Variants in PPP1R9A observed in about 807,000 individuals in gnomAD.
PPP1R9A encodes the protein protein phosphatase 1 regulatory subunit 9A.
A neutral mutation model predicts 141.9 loss-of-function variants in PPP1R9A; 59 were observed. That is an observed-to-expected ratio of 0.42 (90% CI 0.34 to 0.52). The LOEUF (loss-of-function observed/expected upper bound fraction) is 0.52, where lower values mean the gene tolerates loss of function less well. PPP1R9A is among the 20% of genes least tolerant of loss of function. The probability of loss-of-function intolerance (pLI) is 0.10; values close to 1 mark genes in which losing one functional copy is unlikely to be tolerated. For missense variants in PPP1R9A, 1,444 were observed against 1,611.9 expected (o/e 0.90, Z 1.78); for synonymous variants, 500 against 569.7 (o/e 0.88, Z 1.74).
At chr7:94,964,054 G>A (rs1019603175) in intron 2 of PPP1R9A, among the ~76,000 whole-genome samples, 1 of 152,154 alleles carries the variant, frequency 6.6e-6, no homozygotes, top group African/African-American at 2.4e-5. Flanking sequence ...TTGTGCGCCT[G>A]TGTTCTGAAT....
At chr7:95,079,137 C>G (rs1389326038) in intron 2 of PPP1R9A, among the ~76,000 whole-genome samples, 1 of 152,152 alleles carries the variant, frequency 6.6e-6, no homozygotes, top group Non-Finnish European at 1.5e-5. Context: ...AGTCTTTAAT[C>G]CGTCTTGAAT....
intron 2 of PPP1R9A, among the ~76,000 whole-genome samples, chr7:95,055,405 A>T (rs972042663): frequency 6.6e-5 from 10 of 152,134 alleles, no homozygotes; most frequent in Non-Finnish European, 1.0e-4. Context: ...AGTTAATTTT[A>T]TAAGTCCTGT....
At position 95,203,298 on chromosome 7, in the gene PPP1R9A, T is replaced by C. The variant is rs542999307; in HGVS notation, c.1891-367T>C. 5.9e-5 allele frequency among the ~76,000 whole-genome samples: 9 copies of C among 152,158 alleles called. No homozygotes were observed. In the South Asian group the frequency reaches 1.9e-3, roughly 32 times the overall value. On this transcript the variant is annotated intron_variant, in intron 6 of 19. Coordinates refer to ENST00000433360, the MANE Select transcript of PPP1R9A (RefSeq NM_001166160.2). ...TGGAAGCTTTGGTTTGCATAAGTATTAAAAGGTATACAATAATATAATATT... is the reference window on the plus strand; with the variant it reads ...TGGAAGCTTTGGTTTGCATAAGTATCAAAAGGTATACAATAATATAATATT...
At chr7:94,984,960 G>C (rs1025227122) in intron 2 of PPP1R9A, among the ~76,000 whole-genome samples, 9 of 152,080 alleles carry the variant, frequency 5.9e-5, no homozygotes, top group Admixed American at 5.9e-4. Context: ...GCTTTCTCTT[G>C]TGGGCATTTA....
chr7:94,936,855 TA>T, intron 2 of PPP1R9A, among the ~76,000 whole-genome samples: 1 of 152,156 alleles, frequency 6.6e-6, no homozygotes, highest in East Asian at 1.9e-4. Flanking sequence ...TTTGGGCAAG[TA>T]ATTTCTCTAG....
intron 2 of PPP1R9A, among the ~76,000 whole-genome samples, chr7:94,984,940 G>T (rs999911121): frequency 5.1e-4 from 78 of 152,154 alleles, no homozygotes; most frequent in Admixed American, 7.9e-4. Flanking sequence ...GTCAATTTTT[G>T]ATCTTTCCTG....
chr7:94,965,248 A>AT (rs1267567229), intron 2 of PPP1R9A, among the ~76,000 whole-genome samples: 1 of 150,676 alleles, frequency 6.6e-6, no homozygotes, highest in Non-Finnish European at 1.5e-5. Context: ...GATTGCAAAA[A>AT]TTTTCTCCCA....
At chr7:95,116,642 T>C (rs1271130662) in intron 3 of PPP1R9A, among the ~76,000 whole-genome samples, 1 of 152,014 alleles carries the variant, frequency 6.6e-6, no homozygotes. Flanking sequence ...GCCAACAAAG[T>C]TGGGTTGGGA....
intron 7 of PPP1R9A, among the ~76,000 whole-genome samples, chr7:95,220,535 C>T (rs1294518850): frequency 1.3e-5 from 2 of 152,038 alleles, no homozygotes; most frequent in Non-Finnish European, 2.9e-5. Context: ...TATATTTCAT[C>T]CTGGAAAGCT....
At chr7:95,253,231 G>A (rs767354320) in intron 12 of PPP1R9A, among the ~76,000 whole-genome samples, 2 of 152,152 alleles carry the variant, frequency 1.3e-5, no homozygotes, top group Non-Finnish European at 2.9e-5. Flanking sequence ...TGACAGGACC[G>A]ACAACTCAGA....
intron 2 of PPP1R9A, among the ~76,000 whole-genome samples, chr7:95,035,131 A>G (rs1448881801): frequency 6.6e-6 from 1 of 152,176 alleles, no homozygotes; most frequent in Non-Finnish European, 1.5e-5. Flanking sequence ...AAGACTAATT[A>G]ATATTCAGTT....
At chr7:95,238,806 A>C (rs1001613414) in intron 8 of PPP1R9A, among the ~76,000 whole-genome samples, 9 of 152,122 alleles carry the variant, frequency 5.9e-5, no homozygotes, top group African/African-American at 2.2e-4. Flanking sequence ...TTATTGTCAT[A>C]CTTGATTGTT....
At chr7:95,052,861 T>A (rs1407647563) in intron 2 of PPP1R9A, among the ~76,000 whole-genome samples, 1 of 152,194 alleles carries the variant, frequency 6.6e-6, no homozygotes, top group Non-Finnish European at 1.5e-5. Context: ...CCAAGTGCCA[T>A]CAATTCTAAG....
intron 5 of PPP1R9A, among the ~76,000 whole-genome samples, chr7:95,197,120 G>A (rs926152531): frequency 6.6e-6 from 1 of 152,080 alleles, no homozygotes; most frequent in Non-Finnish European, 1.5e-5. Context: ...CAGAAAAATT[G>A]TGGTATATTT....
intron 2 of PPP1R9A, among the ~76,000 whole-genome samples, chr7:94,958,222 A>G (rs973355051): frequency 6.6e-6 from 1 of 152,052 alleles, no homozygotes; most frequent in African/African-American, 2.4e-5. Context: ...CTCACCTCCA[A>G]ACCACTTGCC....
chr7:95,180,448 T>TA (rs1298646268), intron 5 of PPP1R9A, among the ~76,000 whole-genome samples: 12 of 152,150 alleles, frequency 7.9e-5, no homozygotes, highest in South Asian at 2.1e-4. Flanking sequence ...AAAACCCTTC[T>TA]AGACATTGGC....
chr7:95,252,057 T>G lies in PPP1R9A; in HGVS notation c.2592T>G (p.Gly864=), dbSNP rs757590366. The change falls in exon 12 of 20, where the codon GGT becomes GGG. Residue 864 remains glycine (G), a synonymous_variant. Coordinates refer to ENST00000433360, the MANE Select transcript of PPP1R9A (RefSeq NM_001166160.2). The stretch of plus-strand genomic sequence containing the variant: ...TCTTTGAGAGAAGAACATCTCTTGG[T>G]GAAGTCTCTAAAGGGGATACCATGG... The part of the protein sequence containing the change: ...NNIFERRTSL[G]EVSKGDTMEN... The G allele has an allele frequency of 6.2e-7, 1 of 1,613,572 alleles. No homozygotes were observed. Among genetic ancestry groups the G allele is most frequent in the Non-Finnish European group, 8.5e-7 (1 of 1,179,846 alleles).
At chr7:95,127,097 A>G (rs1317926553) in intron 4 of PPP1R9A, among the ~76,000 whole-genome samples, 2 of 152,148 alleles carry the variant, frequency 1.3e-5, no homozygotes, top group Admixed American at 6.5e-5. Context: ...AGCCCGTTAT[A>G]TAGCAAACTC....
intron 2 of PPP1R9A, among the ~76,000 whole-genome samples, chr7:94,943,917 T>G (rs1795606099): frequency 6.6e-6 from 1 of 152,132 alleles, no homozygotes; most frequent in African/African-American, 2.4e-5. Context: ...AAAAATATAG[T>G]CAGTTTTCTA....
Sources: allele counts gnomAD v4.1 joint callset (sites outside exome capture counted in the v4.1 genomes callset), GRCh38; gene constraint gnomAD v4.1.1; transcripts MANE v1.5; gene names NCBI Gene and HGNC (gene_info 2026-07-23, HGNC 2026-07-21).